LARS1: variants seen among roughly 807,000 people sequenced by gnomAD.
LARS1 encodes the protein leucyl-tRNA synthetase 1, also known as leucine--tRNA ligase, cytoplasmic.
In LARS1, 100 loss-of-function variants were observed where a neutral mutation model predicts 162.8. The ratio of observed to expected loss-of-function variants is 0.61; its 90% CI spans 0.52 to 0.73. LARS1 has a LOEUF of 0.73. Among genes scored for constraint, LARS1 ranks in the 30% least tolerant of loss-of-function variants. The probability of loss-of-function intolerance (pLI) is 0.00; values close to 1 mark genes in which losing one functional copy is unlikely to be tolerated. For missense variants in LARS1, 1,258 were observed against 1,408.9 expected, an observed-to-expected ratio of 0.89 and a Z score of 1.71; for synonymous variants, 457 against 462.8, an observed-to-expected ratio of 0.99 and a Z score of 0.16.
intron 13 of LARS1, among the ~76,000 whole-genome samples, chr5:146,152,322 G>A (rs1031196687): frequency 6.6e-6 from 1 of 152,018 alleles, no homozygotes; most frequent in Non-Finnish European, 1.5e-5. Context: ...GCAAAATGAT[G>A]TAAACCAGGG....
chr5:146,126,620 G>C, intron 27 of LARS1, 75 bp from the exon 28 acceptor site: 1 of 906,786 alleles, frequency 1.1e-6, no homozygotes, highest in Non-Finnish European at 1.8e-6. Context: ...GATGTGACCA[G>C]GCATAGAATG....
chr5:146,140,752 C>A (rs1752735790), intron 20 of LARS1, among the ~76,000 whole-genome samples: 1 of 152,092 alleles, frequency 6.6e-6, no homozygotes, highest in South Asian at 2.1e-4. Context: ...TTGCGGTAAG[C>A]CAAGATCGCG....
chr5:146,123,214 A>G (rs1416890155), intron 29 of LARS1, among the ~76,000 whole-genome samples: 1 of 151,918 alleles, frequency 6.6e-6, no homozygotes, highest in Non-Finnish European at 1.5e-5. Flanking sequence ...TTCCAAACCT[A>G]TATTTTTTTT....
At chr5:146,168,640 A>T (rs1372428446) in intron 4 of LARS1, among the ~76,000 whole-genome samples, 2 of 152,156 alleles carry the variant, frequency 1.3e-5, no homozygotes, top group Non-Finnish European at 2.9e-5. Flanking sequence ...AGCCGAGATC[A>T]CATCACTGCA....
intron 6 of LARS1, among the ~76,000 whole-genome samples, chr5:146,162,421 AT>A (rs527608592): frequency 0.017 from 2,573 of 149,834 alleles, 43 homozygotes; most frequent in Non-Finnish European, 0.026. Context: ...TTTGAAAGAA[AT>A]TTTTTTTTTT....
chr5:146,125,394 T>A (rs183316604), intron 28 of LARS1, among the ~76,000 whole-genome samples: 2 of 152,128 alleles, frequency 1.3e-5, no homozygotes, highest in East Asian at 1.9e-4. Flanking sequence ...CTGGTCTCCA[T>A]CAGGCATCTG....
chr5:146,130,354 C>T, intron 24 of LARS1, 196 bp from the exon 25 acceptor site: 1 of 589,714 alleles, frequency 1.7e-6, no homozygotes. Context: ...CAGTTTTATA[C>T]TAATAATTCT....
chr5:146,122,428 T>C, intron 30 of LARS1, 64 bp downstream of exon 30: 1 of 882,456 alleles, frequency 1.1e-6, no homozygotes, highest in Non-Finnish European at 1.8e-6. Context: ...GGTTTAGATG[T>C]AATGATCTCT....
chr5:146,153,688 A>C, intron 12 of LARS1, 46 bp downstream of exon 12: 2 of 1,476,504 alleles, frequency 1.4e-6, no homozygotes, highest in Non-Finnish European at 1.9e-6. Context: ...CACCTAAGCA[A>C]TGAGATGGTG....
rs28558310 is a variant in LARS1, at chr5:146,117,948, C to T, written c.3325+2423G>A. Among the ~76,000 whole-genome samples the T allele has an allele frequency of 3.6e-3, 554 of 152,218 alleles. 2 individuals are homozygous for T. Among genetic ancestry groups the T allele is most frequent in the African/African-American group, 0.013 (536 of 41,546 alleles). The stretch of plus-strand genomic sequence containing the variant: ...GTATAGCCACTATAAAAAACAGTAT[C>T]GAGGTTCCTCAAAGTATTAAAAATA... On this transcript the variant is annotated intron_variant, in intron 31 of 31. Coordinates refer to ENST00000394434, the MANE Select transcript of LARS1 (RefSeq NM_020117.11).
intron 29 of LARS1, 151 bp from the exon 30 acceptor site, chr5:146,122,738 G>A (rs1581006460): frequency 6.8e-6 from 3 of 439,464 alleles, no homozygotes; most frequent in Non-Finnish European, 1.2e-5. Context: ...AATATTAAAT[G>A]AAATCTGTAA....
In LARS1 at chr5:146,149,605, C is replaced by CCT; in HGVS notation, c.1503+16_1503+17insAG. 6.3e-7 allele frequency: 1 copy of CCT among 1,584,996 alleles called. No individual in the cohort carries two copies. Among genetic ancestry groups the CCT allele is most frequent in the South Asian group, 1.1e-5 (1 of 90,452 alleles). Reference sequence around the variant, plus strand: ...AGCTCTTCTAAAACAGCCTTCAGAGCATAGCCTATCACATACAGCGTCAAT... The same window carrying CCT: ...AGCTCTTCTAAAACAGCCTTCAGAGCCTATAGCCTATCACATACAGCGTCAAT... On this transcript the variant is annotated intron_variant, in intron 15 of 31. Transcript: ENST00000394434.
intron 10 of LARS1, among the ~76,000 whole-genome samples, chr5:146,154,478 A>T (rs910002706): frequency 6.6e-6 from 1 of 152,240 alleles, no homozygotes; most frequent in Admixed American, 6.5e-5. Flanking sequence ...AATTTCTGTC[A>T]ATTAAAAAAT....
chr5:146,177,960 T>C (rs913532269), intron 1 of LARS1, among the ~76,000 whole-genome samples: 1 of 151,800 alleles, frequency 6.6e-6, no homozygotes, highest in Non-Finnish European at 1.5e-5. Context: ...TAGCTGGGCG[T>C]GGTGGCGGGT....
At chr5:146,132,214 CAGA>C (rs996181692) in intron 23 of LARS1, 1 of 151,980 alleles carries the variant, frequency 6.6e-6, no homozygotes, top group Non-Finnish European at 1.5e-5. Context: ...GAGGCTGGGG[CAGA>C]AGAATAGCTT....
At chr5:146,138,136 AAGT>A (rs1403525797) in intron 21 of LARS1, 1 of 154,244 alleles carries the variant, frequency 6.5e-6, no homozygotes, top group African/African-American at 2.4e-5. Flanking sequence ...AAAAAAAAAA[AAGT>A]GAAACTGTTT....
chr5:146,166,730 G>C (rs1481939703), intron 5 of LARS1, among the ~76,000 whole-genome samples: 1 of 152,032 alleles, frequency 6.6e-6, no homozygotes, highest in Non-Finnish European at 1.5e-5. Flanking sequence ...GAAGACTAGA[G>C]TAATAATTGT....
chr5:146,133,095 A>AT lies in LARS1; in HGVS notation c.2213-15_2213-14insA. On this transcript the variant is annotated splice_polypyrimidine_tract_variant and intron_variant, in intron 22 of 31. Transcript: ENST00000394434. ...CCAAACGCATTCCTGGAAGAAGAAAAAAAAATTCAATGCATTAAAAATATG... is the reference window on the plus strand; with the variant it reads ...CCAAACGCATTCCTGGAAGAAGAAAATAAAAATTCAATGCATTAAAAATATG... 1 of 1,611,688 alleles carries AT rather than the reference A, an allele frequency of 6.2e-7. No individual in the cohort carries two copies. The highest frequency in any genetic ancestry group is 8.5e-7 in the Non-Finnish European group (1 of 1,178,818).
intron 12 of LARS1, 37 bp downstream of exon 12, chr5:146,153,697 T>G (rs780827524): frequency 6.5e-7 from 1 of 1,541,010 alleles, no homozygotes; most frequent in South Asian, 1.1e-5. Flanking sequence ...AATGAGATGG[T>G]GAGGACGAAA....
Sources: allele counts gnomAD v4.1 joint callset (sites outside exome capture counted in the v4.1 genomes callset), GRCh38; gene constraint gnomAD v4.1.1; transcripts MANE v1.5; gene names NCBI Gene and HGNC (gene_info 2026-07-23, HGNC 2026-07-21).